Variants in WDR7 observed in about 807,000 individuals in gnomAD.
WDR7 encodes WD repeat domain 7, also known as WD repeat-containing protein 7.
A neutral mutation model predicts 169.4 loss-of-function variants in WDR7; 46 were observed. The observed-to-expected ratio is 0.27, with a 90% CI of 0.21 to 0.35. The LOEUF (loss-of-function observed/expected upper bound fraction) is 0.35, where lower values mean the gene tolerates loss of function less well. WDR7 is among the 10% of genes least tolerant of loss of function. WDR7 has a pLI of 1.00. For synonymous variants in WDR7, 612 were observed against 666.8 expected, an observed-to-expected ratio of 0.92 and a Z score of 1.27; for missense variants, 1,534 against 1,859.3, an observed-to-expected ratio of 0.83 and a Z score of 3.22.
At chr18:56,981,009 G>C (rs1297200683) in intron 26 of WDR7, among the ~76,000 whole-genome samples, 1 of 152,182 alleles carries the variant, frequency 6.6e-6, no homozygotes, top group African/African-American at 2.4e-5. Context: ...GTGGGGAATG[G>C]ATTCAGCAAG....
intron 20 of WDR7, among the ~76,000 whole-genome samples, chr18:56,861,043 TA>T (rs765731575): frequency 2.0e-5 from 3 of 152,180 alleles, no homozygotes; most frequent in African/African-American, 7.2e-5. Context: ...TGTTTTACAT[TA>T]AAAAATCTGC....
chr18:56,930,441 C>G (rs2046867658), intron 22 of WDR7, among the ~76,000 whole-genome samples: 2 of 151,712 alleles, frequency 1.3e-5, no homozygotes, highest in Admixed American at 6.5e-5. Flanking sequence ...AATTTATAAT[C>G]TGAGGAAGCC....
At chr18:56,667,008 T>G (rs946554940) in intron 1 of WDR7, among the ~76,000 whole-genome samples, 1 of 152,108 alleles carries the variant, frequency 6.6e-6, no homozygotes, top group Admixed American at 6.5e-5. Flanking sequence ...TTGAAATGAC[T>G]TGGTTTGGCA....
intron 12 of WDR7, 86 bp downstream of exon 12, chr18:56,696,548 C>T (rs1427425092): frequency 8.9e-7 from 1 of 1,121,602 alleles, no homozygotes; most frequent in South Asian, 1.6e-5. Context: ...TCTAGACTAA[C>T]TTAAAGGAAG....
At chr18:56,704,611 C>A (rs1164552118) in intron 12 of WDR7, among the ~76,000 whole-genome samples, 1 of 152,116 alleles carries the variant, frequency 6.6e-6, no homozygotes. Flanking sequence ...GGCAAAACTG[C>A]AATTTAATGT....
chr18:56,951,962 T>C (rs977522843), intron 25 of WDR7, among the ~76,000 whole-genome samples: 4 of 152,254 alleles, frequency 2.6e-5, no homozygotes, highest in African/African-American at 9.6e-5. Flanking sequence ...AAACCCATTA[T>C]ATGTTAACAT....
intron 26 of WDR7, among the ~76,000 whole-genome samples, chr18:56,967,648 G>C (rs1297085426): frequency 6.6e-6 from 1 of 151,404 alleles, no homozygotes. Flanking sequence ...CTCGCTCTTT[G>C]CAAGATTCTC....
chr18:56,753,488 G>A (rs1489055123), intron 14 of WDR7, among the ~76,000 whole-genome samples: 1 of 152,142 alleles, frequency 6.6e-6, no homozygotes, highest in Admixed American at 6.5e-5. Context: ...TTATATAAAT[G>A]TGGCAAAGAC....
chr18:56,738,329 G>A (rs2469469), intron 14 of WDR7, among the ~76,000 whole-genome samples: 46,395 of 151,978 alleles, frequency 0.31, 7,472 homozygotes, highest in Non-Finnish European at 0.37. Flanking sequence ...TAGCACATTG[G>A]GAGGCCGAGG....
chr18:56,731,390 G>A lies in WDR7; in HGVS notation c.1782G>A (p.Leu594=). The A allele has an allele frequency of 2.2e-5, 36 of 1,612,856 alleles. No homozygotes were observed. The highest frequency in any genetic ancestry group is 2.8e-5 in the Non-Finnish European group (33 of 1,178,996). ...VYVWQMDTGA[L]DRCVMGITAV... ...AATATATTTTTCTCGCAGGTGCATT[G>A]GATCGTTGTGTGATGGGGATAACAG... is the stretch of plus-strand genomic sequence containing the variant. The change falls in exon 14 of 28, where the codon TTG becomes TTA. Residue 594 remains leucine (L), a synonymous_variant. Transcript: ENST00000254442.
chr18:56,834,458 A>G (rs972386265), intron 20 of WDR7, among the ~76,000 whole-genome samples: 1 of 150,498 alleles, frequency 6.6e-6, no homozygotes, highest in Non-Finnish European at 1.5e-5. Flanking sequence ...TTCCTTCCAT[A>G]TTTTGCTTGT....
At chr18:56,941,647 C>T (rs963233622) in intron 25 of WDR7, among the ~76,000 whole-genome samples, 59 of 152,064 alleles carry the variant, frequency 3.9e-4, no homozygotes, top group Non-Finnish European at 1.3e-4. Context: ...TACAGCAGGT[C>T]CTTGAATAAT....
At chr18:56,832,877 G>A (rs1224723285) in intron 20 of WDR7, among the ~76,000 whole-genome samples, 1 of 152,098 alleles carries the variant, frequency 6.6e-6, no homozygotes, top group East Asian at 1.9e-4. Flanking sequence ...ATGAAGATGA[G>A]GAAAAACCAG....
chr18:56,963,073 G>T (rs1257579018), intron 26 of WDR7, among the ~76,000 whole-genome samples: 1 of 152,100 alleles, frequency 6.6e-6, no homozygotes, highest in Non-Finnish European at 1.5e-5. Flanking sequence ...TTCACTGTTT[G>T]TGAAAAATTA....
intron 26 of WDR7, among the ~76,000 whole-genome samples, chr18:56,969,220 C>T (rs567819684): frequency 5.3e-5 from 8 of 152,316 alleles, no homozygotes; most frequent in Non-Finnish European, 7.4e-5. Flanking sequence ...CACCACAAGT[C>T]ATGTTGCCTC....
chr18:56,661,125 A>G (rs939843906), intron 1 of WDR7, among the ~76,000 whole-genome samples: 3 of 152,218 alleles, frequency 2.0e-5, no homozygotes. Context: ...TTCAATTTAT[A>G]TACAACGAGA....
chr18:56,732,738 G>A (rs1399852749), intron 14 of WDR7, among the ~76,000 whole-genome samples: 1 of 152,158 alleles, frequency 6.6e-6, no homozygotes, highest in Non-Finnish European at 1.5e-5. Context: ...AGTTTGTGAA[G>A]AAATCACAGC....
At chr18:56,850,385 A>G (rs542139120) in intron 20 of WDR7, among the ~76,000 whole-genome samples, 39 of 152,348 alleles carry the variant, frequency 2.6e-4, no homozygotes, top group African/African-American at 8.9e-4. Flanking sequence ...TAGGTGTTCA[A>G]TAAATATTGG....
In WDR7 at chr18:56,894,997, A is replaced by G. The variant is rs114587670; in HGVS notation, c.3526+14832A>G. On this transcript the variant is annotated intron_variant, in intron 21 of 27. Transcript: ENST00000254442. ...TCCACATAAGGACTCTTAATAAACA[A>G]TGAGTAGAATAACTTTCATTAGCAT... Among the ~76,000 whole-genome samples, 234 of 152,220 alleles carry G rather than the reference A, an allele frequency of 1.5e-3. 2 individuals carry two copies. The highest frequency in any genetic ancestry group is 5.4e-3 in the African/African-American group (226 of 41,568).
Sources: gnomAD v4.1 joint callset for allele counts (sites outside exome capture counted in the v4.1 genomes callset) on GRCh38, gnomAD v4.1.1 for gene constraint, MANE v1.5 for transcripts, NCBI Gene and HGNC (gene_info 2026-07-23, HGNC 2026-07-21) for gene names.